The following TANGO6 variants were observed in gnomAD, a reference collection of about 807,000 sequenced individuals.
The protein encoded by TANGO6 is transport and golgi organization 6 homolog.
Under a neutral mutation model 114.2 loss-of-function variants are expected in TANGO6, and 90 were observed. The observed-to-expected ratio is 0.79, with a 90% CI of 0.66 to 0.94. The LOEUF (loss-of-function observed/expected upper bound fraction) is 0.94. Among genes scored for constraint, TANGO6 ranks in the 40% least tolerant of loss-of-function variants. The pLI is 0.00. For synonymous variants in TANGO6, 477 were observed against 509.8 expected, an observed-to-expected ratio of 0.94 and a Z score of 0.87; for missense variants, 1,274 against 1,315.3, an observed-to-expected ratio of 0.97 and a Z score of 0.49.
Position 69,083,742 on chromosome 16 carries a change from C to G in TANGO6, c.*81C>G. 6.8e-7 allele frequency: 1 copy of G among 1,461,752 alleles called. No homozygotes were observed. The highest frequency in any genetic ancestry group is 1.4e-5 in the South Asian group (1 of 72,990). The allele number at this position is 1,461,752 out of a possible 1,614,324, so 90.5% of individuals were successfully genotyped here. ...CCAGGTCTTCCAGCAGGTGGCCCTG[C>G]TGCCTCTTGAGTGCTGGCAGCATGG... On this transcript the variant is annotated 3_prime_UTR_variant, in exon 18 of 18. Transcript: ENST00000261778.
At position 68,983,567 on chromosome 16, in the gene TANGO6, G is replaced by A. The variant is rs556169264; in HGVS notation, c.2842+9399G>A. Among the ~76,000 whole-genome samples, 3 of 152,250 alleles carry A rather than the reference G, an allele frequency of 2.0e-5. No individual in the cohort carries two copies. The South Asian group carries it at 6.2e-4, about 32-fold the overall frequency. ...ACTCATAGACAAATTGCATTGGTAAGAAGCCCGGCCCATGGAGGGAGAGGC... is the reference window on the plus strand; with the variant it reads ...ACTCATAGACAAATTGCATTGGTAAAAAGCCCGGCCCATGGAGGGAGAGGC... On this transcript the variant is annotated intron_variant, in intron 15 of 17. Transcript: ENST00000261778.
intron 4 of TANGO6, among the ~76,000 whole-genome samples, chr16:68,874,118 C>T (rs1012704828): frequency 1.3e-5 from 2 of 152,164 alleles, no homozygotes; most frequent in African/African-American, 2.4e-5. Context: ...CTCACACATA[C>T]GTGTATCATA....
At chr16:68,969,689 C>CAA (rs67855533) in intron 14 of TANGO6, among the ~76,000 whole-genome samples, 2 of 115,316 alleles carry the variant, frequency 1.7e-5, no homozygotes, top group East Asian at 2.5e-4. Flanking sequence ...ATAGGAAAAG[C>CAA]AAAAAAAAAA....
chr16:69,067,536 A>AAAAAAAAAAT (rs1860912479), intron 17 of TANGO6, among the ~76,000 whole-genome samples: 1 of 140,644 alleles, frequency 7.1e-6, no homozygotes. Context: ...AAAAAAAAAA[A>AAAAAAAAAAT]ACGCTGGGCG....
At position 69,060,865 on chromosome 16, in the gene TANGO6, G is replaced by A. The variant is rs557090353; in HGVS notation, c.3108+20444G>A. On this transcript the variant is annotated intron_variant, in intron 17 of 17. Transcript: ENST00000261778. ...AAATTAGCTGGGCGTGGTGGCGCAC[G>A]CCTGTGGTCCCAGCTACTCGGGAGG... 5.9e-5 allele frequency among the ~76,000 whole-genome samples: 9 copies of A among 151,984 alleles called. No individual in the cohort carries two copies. In the East Asian group the frequency reaches 7.8e-4, roughly 13 times the overall value.
At chr16:68,866,843 A>T (rs1962185424) in intron 3 of TANGO6, among the ~76,000 whole-genome samples, 1 of 152,148 alleles carries the variant, frequency 6.6e-6, no homozygotes, top group Non-Finnish European at 1.5e-5. Context: ...AGGCTGAAGC[A>T]GGAGAATCGC....
intron 14 of TANGO6, among the ~76,000 whole-genome samples, chr16:68,948,475 G>C (rs902757417): frequency 6.6e-6 from 1 of 152,170 alleles, no homozygotes. Context: ...TCAGGATTTG[G>C]ATTTGTGCCT....
chr16:69,040,495 G>C (rs1331190189), intron 17 of TANGO6, 74 bp downstream of exon 17: 1 of 1,281,938 alleles, frequency 7.8e-7, no homozygotes, highest in African/African-American at 1.5e-5. Flanking sequence ...CCTTTTACCA[G>C]GGAAGGCCTC....
intron 14 of TANGO6, among the ~76,000 whole-genome samples, chr16:68,973,393 T>C (rs1464782517): frequency 6.6e-6 from 1 of 152,182 alleles, no homozygotes; most frequent in Non-Finnish European, 1.5e-5. Flanking sequence ...TTTGTAGTTA[T>C]ATAGTTTTGA....
chr16:69,040,380 G>A lies in TANGO6; in HGVS notation c.3067G>A (p.Val1023Ile). ...VQVRRAAIHV[V>I]VLLLRGLSQK... ...AGTACGCAGAGCTGCCATACATGTG[G>A]TTGTGCTGCTGCTTCGGGGACTCAG... is the stretch of plus-strand genomic sequence containing the variant. Residue 1023 changes from valine to isoleucine, a missense_variant, in exon 17 of 18, where the codon GTT becomes ATT. Physicochemically the swap from Val to Ile is conservative, Grantham distance 29 (BLOSUM62 3). Coordinates refer to ENST00000261778, the MANE Select transcript of TANGO6 (RefSeq NM_024562.2). The A allele has an allele frequency of 1.2e-6, 2 of 1,608,892 alleles. No homozygotes were observed. The highest frequency in any genetic ancestry group is 8.5e-7 in the Non-Finnish European group (1 of 1,177,876).
intron 15 of TANGO6, among the ~76,000 whole-genome samples, chr16:68,985,249 A>G (rs909693359): frequency 1.3e-5 from 2 of 152,142 alleles, no homozygotes; most frequent in Non-Finnish European, 2.9e-5. Flanking sequence ...CTTTTATTTA[A>G]TTATCTCTGG....
chr16:68,978,129 G>A (rs74705763), intron 15 of TANGO6, among the ~76,000 whole-genome samples: 32 of 152,308 alleles, frequency 2.1e-4, no homozygotes, highest in African/African-American at 6.5e-4. Flanking sequence ...TGTGAAGGGT[G>A]TACCACTGGG....
chr16:69,073,473 G>A (rs898385052), intron 17 of TANGO6, among the ~76,000 whole-genome samples: 2 of 152,180 alleles, frequency 1.3e-5, no homozygotes, highest in African/African-American at 2.4e-5. Flanking sequence ...GGGAGGGTTC[G>A]TGCCTTATTC....
intron 12 of TANGO6, among the ~76,000 whole-genome samples, chr16:68,923,512 A>G (rs768965457): frequency 1.2e-4 from 19 of 152,270 alleles, no homozygotes; most frequent in Non-Finnish European, 2.5e-4. Context: ...CCTGTGCTAC[A>G]ATGCTGTCCT....
intron 16 of TANGO6, among the ~76,000 whole-genome samples, chr16:69,033,126 C>T (rs987407483): frequency 5.9e-5 from 9 of 152,062 alleles, no homozygotes; most frequent in African/African-American, 2.2e-4. Flanking sequence ...GCGGAGGTTG[C>T]AGTGAGCTGA....
intron 15 of TANGO6, among the ~76,000 whole-genome samples, chr16:69,016,171 A>T (rs1328810649): frequency 6.6e-6 from 1 of 152,156 alleles, no homozygotes; most frequent in Non-Finnish European, 1.5e-5. Context: ...TTTCTTGTTC[A>T]TGCCATATTG....
At chr16:68,931,443 T>G (rs1963238345) in intron 14 of TANGO6, among the ~76,000 whole-genome samples, 1 of 152,208 alleles carries the variant, frequency 6.6e-6, no homozygotes, top group Non-Finnish European at 1.5e-5. Context: ...GCACAAAACC[T>G]TGTGTGTGAA....
intron 15 of TANGO6, among the ~76,000 whole-genome samples, chr16:69,007,974 T>C (rs1348384641): frequency 6.6e-6 from 1 of 152,202 alleles, no homozygotes; most frequent in East Asian, 1.9e-4. Flanking sequence ...TTTTCAGATC[T>C]TTTTTAATTG....
Position 68,909,256 on chromosome 16 carries a change from G to A in TANGO6, c.1846G>A (p.Glu616Lys). The A allele has an allele frequency of 6.2e-7, 1 of 1,604,720 alleles. No homozygotes were observed. Among genetic ancestry groups the A allele is most frequent in the Non-Finnish European group, 8.5e-7 (1 of 1,175,238 alleles). ...ASENETELKT[E>K]PFSSKSLLEL... ...GGAAAATGAAACAGAGTTAAAAACT[G>A]AGCCCTTCTCCAGCAAGAGCCTCTT... Residue 616 changes from glutamate to lysine, a missense_variant, in exon 11 of 18, where the codon GAG becomes AAG. Transcript: ENST00000261778.
Sources: allele counts gnomAD v4.1 joint callset (sites outside exome capture counted in the v4.1 genomes callset), GRCh38; gene constraint gnomAD v4.1.1; transcripts MANE v1.5; gene names NCBI Gene and HGNC (gene_info 2026-07-23, HGNC 2026-07-21).